ZC3H12B: variants seen among roughly 807,000 people sequenced by gnomAD.
The protein encoded by ZC3H12B is probable ribonuclease ZC3H12B.
Under a neutral mutation model 43.9 loss-of-function variants are expected in ZC3H12B, and 7 were observed. That is an observed-to-expected ratio of 0.16 (90% CI 0.09 to 0.30). ZC3H12B has a LOEUF of 0.30. Ranked by LOEUF, ZC3H12B falls within the 10% of genes least tolerant of loss-of-function variation. The pLI is 1.00. For synonymous variants in ZC3H12B, 222 were observed against 241.7 expected (o/e 0.92, Z 0.76); for missense variants, 475 against 670.2 (o/e 0.71, Z 3.22).
chrX:65,409,837 T>A (rs969022236), intron 3 of ZC3H12B, among the ~76,000 whole-genome samples: 3 of 111,038 alleles, frequency 2.7e-5, no homozygotes, highest in Non-Finnish European at 5.7e-5. Context: ...GGAAAGACAT[T>A]CCATGTTCAT....
chrX:65,172,067 C>T, the ZC3H12B span, among the ~76,000 whole-genome samples: 1 of 112,528 alleles, frequency 8.9e-6, no homozygotes, highest in Non-Finnish European at 1.9e-5. Flanking sequence ...AACCCAGTAC[C>T]TCAGTTGGAA....
At chrX:65,190,967 T>C in the ZC3H12B span, among the ~76,000 whole-genome samples, 5,120 of 88,210 alleles carry the variant, frequency 0.058, 767 homozygotes, top group African/African-American at 0.28. Context: ...TTTTGAAATA[T>C]GTCCCATCAA....
In ZC3H12B at chrX:65,369,975, G is replaced by A. The variant is rs771655869; in HGVS notation, n.295+977G>A. ...CCAGGCTTGGTGGCTGTCTGGGCATGGTGGCTTATGCCTGCAATCGCAGCA... is the reference window on the plus strand; with the variant it reads ...CCAGGCTTGGTGGCTGTCTGGGCATAGTGGCTTATGCCTGCAATCGCAGCA... On this transcript the variant is annotated intron_variant and non_coding_transcript_variant, in intron 2 of 5. Coordinates refer to the ZC3H12B transcript ENST00000617377. 1.2e-4 allele frequency among the ~76,000 whole-genome samples: 13 copies of A among 111,348 alleles called. No homozygotes were observed. In the South Asian group the frequency reaches 4.9e-3, roughly 42 times the overall value.
chrX:65,297,245 G>A, the ZC3H12B span, among the ~76,000 whole-genome samples: 1 of 110,450 alleles, frequency 9.1e-6, no homozygotes, highest in Non-Finnish European at 1.9e-5. Context: ...ATCTTTAGAA[G>A]ACCCTAAAGA....
At chrX:65,258,728 A>G in the ZC3H12B span, among the ~76,000 whole-genome samples, 1 of 111,963 alleles carries the variant, frequency 8.9e-6, no homozygotes, top group Non-Finnish European at 1.9e-5. Flanking sequence ...GTTTCAGGAT[A>G]CCAAATTGAT....
At chrX:65,486,021 G>T (rs2068119863), upstream of ZC3H12B, among the ~76,000 whole-genome samples, 1 of 111,907 alleles carries the variant, frequency 8.9e-6, no homozygotes, top group South Asian at 3.7e-4. Context: ...AATGAATTAA[G>T]TAATGTCAGC....
chrX:65,049,297 G>C, the ZC3H12B span, among the ~76,000 whole-genome samples: 1 of 111,418 alleles, frequency 9.0e-6, no homozygotes, highest in Non-Finnish European at 1.9e-5. Context: ...GAGTTTTATA[G>C]TTTCAGGTAT....
chrX:65,284,819 A>T, the ZC3H12B span, among the ~76,000 whole-genome samples: 1 of 111,951 alleles, frequency 8.9e-6, no homozygotes, highest in Non-Finnish European at 1.9e-5. Context: ...AATAGAAATT[A>T]TGAAACTGCA....
At chrX:65,131,882 T>C in the ZC3H12B span, among the ~76,000 whole-genome samples, 1 of 111,330 alleles carries the variant, frequency 9.0e-6, no homozygotes, top group Non-Finnish European at 1.9e-5. Flanking sequence ...GGGTGTCTTG[T>C]TGAGAAGATT....
chrX:65,430,776 C>T (rs1031763987), intron 3 of ZC3H12B, among the ~76,000 whole-genome samples: 2 of 110,763 alleles, frequency 1.8e-5, no homozygotes, highest in African/African-American at 6.6e-5. Context: ...CAAGTCTTTG[C>T]TATTGCACTC....
chrX:65,140,145 CAGT>C, the ZC3H12B span, among the ~76,000 whole-genome samples: 7 of 111,158 alleles, frequency 6.3e-5, no homozygotes, highest in South Asian at 2.3e-3. Context: ...AAAGTGTTGA[CAGT>C]AGGCATTCTT....
chrX:65,339,696 C>G, the ZC3H12B span, among the ~76,000 whole-genome samples: 1 of 111,204 alleles, frequency 9.0e-6, no homozygotes, highest in Non-Finnish European at 1.9e-5. Flanking sequence ...TTTCCTGGGA[C>G]CCCAGCCTGG....
intron 2 of ZC3H12B, among the ~76,000 whole-genome samples, chrX:65,388,174 T>C (rs1053257066): frequency 9.0e-6 from 1 of 111,569 alleles, no homozygotes; most frequent in Non-Finnish European, 1.9e-5. Context: ...TTTCCTGAAT[T>C]TGAATGTTGG....
chrX:65,403,700 A>G (rs1341918690), intron 3 of ZC3H12B, among the ~76,000 whole-genome samples: 1 of 111,714 alleles, frequency 9.0e-6, no homozygotes, highest in African/African-American at 3.3e-5. Context: ...AAAAACTGTT[A>G]CCCTAGAATA....
At chrX:65,425,143 G>C (rs1196549100) in intron 3 of ZC3H12B, among the ~76,000 whole-genome samples, 1 of 111,325 alleles carries the variant, frequency 9.0e-6, no homozygotes, top group East Asian at 2.8e-4. Flanking sequence ...TGATTTCTTT[G>C]AGCAGTGGTT....
At chrX:65,374,351 T>C (rs968382064) in intron 2 of ZC3H12B, among the ~76,000 whole-genome samples, 3 of 98,911 alleles carry the variant, frequency 3.0e-5, no homozygotes, top group African/African-American at 1.1e-4. Flanking sequence ...ACAGGATCAA[T>C]CATACCGCAA....
At chrX:65,432,366 T>A (rs1424567403) in intron 3 of ZC3H12B, among the ~76,000 whole-genome samples, 1 of 111,642 alleles carries the variant, frequency 9.0e-6, no homozygotes, top group Non-Finnish European at 1.9e-5. Flanking sequence ...TATTTGTGGA[T>A]TATGGCAGTG....
the ZC3H12B span, among the ~76,000 whole-genome samples, chrX:65,138,933 ATTGT>A: frequency 7.2e-5 from 8 of 111,202 alleles, no homozygotes; most frequent in Non-Finnish European, 1.1e-4. Context: ...TTTAAATTGG[ATTGT>A]TTGTTTGTTT....
At chrX:65,448,710 G>A (rs776167098) in intron 3 of ZC3H12B, among the ~76,000 whole-genome samples, 4 of 109,115 alleles carry the variant, frequency 3.7e-5, no homozygotes, top group East Asian at 5.8e-4. Flanking sequence ...CCAGCTACTC[G>A]GGAGGCTGAG....
Sources: allele counts gnomAD v4.1 joint callset (sites outside exome capture counted in the v4.1 genomes callset), GRCh38; gene constraint gnomAD v4.1.1; transcripts MANE v1.5; gene names NCBI Gene and HGNC (gene_info 2026-07-23, HGNC 2026-07-21).